DHRSX: variants seen among roughly 807,000 people sequenced by gnomAD.
The protein encoded by DHRSX is dehydrogenase/reductase X-linked, also known as polyprenol dehydrogenase.
DHRSX carries 31 observed loss-of-function variants against 34.0 expected under a neutral mutation model. The ratio of observed to expected loss-of-function variants is 0.91; its 90% CI spans 0.69 to 1.23. The LOEUF (loss-of-function observed/expected upper bound fraction) is 1.23. DHRSX is among the 50% of genes most tolerant of loss of function. The pLI is 0.00. For synonymous variants in DHRSX, 201 were observed against 183.8 expected, an observed-to-expected ratio of 1.09 and a Z score of -0.76; for missense variants, 414 against 428.1, an observed-to-expected ratio of 0.97 and a Z score of 0.29.
intron 1 of DHRSX, among the ~76,000 whole-genome samples, chrX:2,485,010 G>T (rs1411229894): frequency 6.6e-6 from 1 of 152,104 alleles, no homozygotes; most frequent in South Asian, 2.1e-4. Flanking sequence ...CCCTTCAGAG[G>T]CCTGCTGGGA....
intron 6 of DHRSX, among the ~76,000 whole-genome samples, chrX:2,223,674 G>T (rs1328919370): frequency 1.3e-5 from 2 of 151,614 alleles, no homozygotes; most frequent in African/African-American, 4.9e-5. Flanking sequence ...CATGGTGTTT[G>T]AGGGTCTTTC....
chrX:2,249,513 C>CTTTTTTTTTTTTTTTT (rs753035485), intron 5 of DHRSX, among the ~76,000 whole-genome samples: 3 of 70,166 alleles, frequency 4.3e-5, no homozygotes, highest in African/African-American at 1.4e-4. Context: ...CTTTTTGTGC[C>CTTTTTTTTTTTTTTTT]TTTTTTTTTT....
chrX:2,480,699 G>A (rs866006950), intron 1 of DHRSX, among the ~76,000 whole-genome samples: 41 of 152,032 alleles, frequency 2.7e-4, no homozygotes, highest in African/African-American at 8.9e-4. Context: ...TGCACCTGTA[G>A]TCCCAGCTAC....
intron 1 of DHRSX, among the ~76,000 whole-genome samples, chrX:2,499,723 G>A (rs1203004828): frequency 3.9e-5 from 6 of 152,024 alleles, no homozygotes; most frequent in African/African-American, 1.2e-4. Context: ...CCTGGGCAAC[G>A]TAGCAAGACC....
At chrX:2,287,265 T>C (rs897700325) in intron 4 of DHRSX, among the ~76,000 whole-genome samples, 1 of 152,138 alleles carries the variant, frequency 6.6e-6, no homozygotes, top group African/African-American at 2.4e-5. Context: ...GCCCACACTG[T>C]AATCCCCATG....
At chrX:2,357,463 A>C (rs1329284478) in intron 3 of DHRSX, among the ~76,000 whole-genome samples, 1 of 152,134 alleles carries the variant, frequency 6.6e-6, no homozygotes, top group Non-Finnish European at 1.5e-5. Flanking sequence ...CATCCTGATG[A>C]AACCGTGGAG....
intron 5 of DHRSX, among the ~76,000 whole-genome samples, chrX:2,250,094 G>A (rs2016401193): frequency 6.9e-6 from 1 of 144,272 alleles, no homozygotes; most frequent in African/African-American, 2.6e-5. Flanking sequence ...CCCGGGAGGT[G>A]AAGATTGCAG....
chrX:2,256,183 C>T (rs1463584444), intron 5 of DHRSX, among the ~76,000 whole-genome samples: 1 of 150,246 alleles, frequency 6.7e-6, no homozygotes, highest in African/African-American at 2.4e-5. Flanking sequence ...TTAGTAGAGA[C>T]GGGGTTTCAC....
At chrX:2,347,785 T>C (rs1336918170) in intron 3 of DHRSX, among the ~76,000 whole-genome samples, 1 of 152,176 alleles carries the variant, frequency 6.6e-6, no homozygotes, top group Non-Finnish European at 1.5e-5. Context: ...CTTTTTGTTT[T>C]TCAGTTGCCA....
chrX:2,402,857 A>G (rs1200768729), intron 3 of DHRSX, among the ~76,000 whole-genome samples: 4 of 151,028 alleles, frequency 2.6e-5, no homozygotes, highest in Non-Finnish European at 4.4e-5. Flanking sequence ...TGTCACTAAC[A>G]TTCCAATTAC....
intron 1 of DHRSX, among the ~76,000 whole-genome samples, chrX:2,479,956 G>A (rs1399154737): frequency 6.6e-6 from 1 of 152,148 alleles, no homozygotes; most frequent in East Asian, 1.9e-4. Context: ...GTCCAGAAAC[G>A]GGCCTGCGAA....
intron 3 of DHRSX, among the ~76,000 whole-genome samples, chrX:2,326,455 G>A (rs1220917546): frequency 6.6e-6 from 1 of 152,136 alleles, no homozygotes; most frequent in Non-Finnish European, 1.5e-5. Context: ...CCTGGGAGGT[G>A]GAGGTTGTAG....
intron 1 of DHRSX, among the ~76,000 whole-genome samples, chrX:2,461,629 C>G (rs2044403481): frequency 6.6e-6 from 1 of 152,104 alleles, no homozygotes; most frequent in African/African-American, 2.4e-5. Context: ...GCAGCCTCGA[C>G]TTTGTGGGCT....
chrX:2,299,658 C>T (rs1439756169), intron 3 of DHRSX, among the ~76,000 whole-genome samples: 1 of 152,008 alleles, frequency 6.6e-6, no homozygotes. Flanking sequence ...AGTTCGAGAC[C>T]AGCCTGGCCA....
intron 3 of DHRSX, among the ~76,000 whole-genome samples, chrX:2,330,605 GAGA>G (rs944529473): frequency 6.7e-6 from 1 of 149,176 alleles, no homozygotes; most frequent in Non-Finnish European, 1.5e-5. Context: ...GAAGGAAAGG[GAGA>G]AGGAGAAGGA....
intron 1 of DHRSX, among the ~76,000 whole-genome samples, chrX:2,451,829 A>T (rs184442466): frequency 2.6e-5 from 4 of 152,300 alleles, no homozygotes; most frequent in African/African-American, 7.2e-5. Flanking sequence ...TTCCCTAAGA[A>T]TGCGGCCAAG....
chrX:2,426,789 CTCTT>C (rs1012146893), intron 1 of DHRSX, among the ~76,000 whole-genome samples: 52 of 143,362 alleles, frequency 3.6e-4, no homozygotes, highest in African/African-American at 1.2e-3. Flanking sequence ...CCTTCTCTCA[CTCTT>C]TCCTTCCTTC....
At chrX:2,485,729 G>A (rs190793922) in intron 1 of DHRSX, among the ~76,000 whole-genome samples, 1,813 of 77,054 alleles carry the variant, frequency 0.024, 55 homozygotes, top group Non-Finnish European at 0.035. Context: ...AGAAGGAAGG[G>A]AGAAAAGGGA....
chrX:2,499,926 C>T (rs2045374045), intron 1 of DHRSX, among the ~76,000 whole-genome samples: 1 of 152,150 alleles, frequency 6.6e-6, no homozygotes, highest in African/African-American at 2.4e-5. Flanking sequence ...GCCTGTAATG[C>T]CAGCACTTTG....
Sources: allele counts gnomAD v4.1 joint callset (sites outside exome capture counted in the v4.1 genomes callset), GRCh38; gene constraint gnomAD v4.1.1; transcripts MANE v1.5; gene names NCBI Gene and HGNC (gene_info 2026-07-23, HGNC 2026-07-21).